ATG10: variants seen among roughly 807,000 people sequenced by gnomAD.
ATG10 encodes the protein autophagy related 10.
A neutral mutation model predicts 32.1 loss-of-function variants in ATG10; 30 were observed. The observed-to-expected ratio is 0.94, with a 90% CI of 0.70 to 1.27. The LOEUF is 1.27. Among genes scored for constraint, ATG10 ranks in the 50% most tolerant of loss-of-function variants. ATG10 has a pLI of 0.00. For synonymous variants in ATG10, 87 were observed against 91.5 expected (o/e 0.95, Z 0.28); for missense variants, 233 against 262.3 (o/e 0.89, Z 0.77).
intron 2 of ATG10, among the ~76,000 whole-genome samples, chr5:82,041,433 C>T (rs1168702916): frequency 1.3e-5 from 2 of 152,104 alleles, no homozygotes; most frequent in Admixed American, 6.6e-5. Context: ...ATATTTGTGA[C>T]ATATTTACCT....
chr5:82,175,783 A>C (rs1294758363), intron 4 of ATG10, among the ~76,000 whole-genome samples: 1 of 152,112 alleles, frequency 6.6e-6, no homozygotes, highest in African/African-American at 2.4e-5. Flanking sequence ...GGCACTTCTT[A>C]GCCTGCTTTA....
chr5:82,236,992 T>TC (rs1463455391), intron 5 of ATG10, among the ~76,000 whole-genome samples: 1 of 152,154 alleles, frequency 6.6e-6, no homozygotes, highest in African/African-American at 2.4e-5. Flanking sequence ...ATTTCTTCTT[T>TC]CCCCCCTTTT....
intron 4 of ATG10, among the ~76,000 whole-genome samples, chr5:82,172,648 T>A (rs1477809893): frequency 6.6e-6 from 1 of 152,188 alleles, no homozygotes; most frequent in Non-Finnish European, 1.5e-5. Flanking sequence ...ACTTAAACTC[T>A]ATAGCCCATT....
At chr5:82,205,839 C>CATGTA (rs1745268478) in intron 5 of ATG10, among the ~76,000 whole-genome samples, 2 of 151,990 alleles carry the variant, frequency 1.3e-5, no homozygotes, top group African/African-American at 4.8e-5. Flanking sequence ...ATAGAGTCAG[C>CATGTA]CAAATTTGGG....
At chr5:82,214,433 A>C (rs1186062284) in intron 5 of ATG10, among the ~76,000 whole-genome samples, 1 of 152,216 alleles carries the variant, frequency 6.6e-6, no homozygotes, top group Non-Finnish European at 1.5e-5. Flanking sequence ...GAAGACTACT[A>C]ATTTACAAAA....
intron 5 of ATG10, among the ~76,000 whole-genome samples, chr5:82,179,970 A>G (rs1026853873): frequency 6.6e-6 from 1 of 152,118 alleles, no homozygotes; most frequent in East Asian, 1.9e-4. Context: ...TCACCCTCCT[A>G]GATCAAGCCC....
At chr5:82,242,982 C>T (rs1008308104) in intron 5 of ATG10, 5 of 324,142 alleles carry the variant, frequency 1.5e-5, no homozygotes, top group East Asian at 8.4e-5. Context: ...ATAGATACAG[C>T]GGAAATACTA....
At chr5:82,155,261 C>T (rs1353977176) in intron 3 of ATG10, among the ~76,000 whole-genome samples, 1 of 151,930 alleles carries the variant, frequency 6.6e-6, no homozygotes, top group Non-Finnish European at 1.5e-5. Flanking sequence ...TTTCTTAGAC[C>T]CTTGGAAATG....
At chr5:82,225,141 C>T (rs996561268) in intron 5 of ATG10, among the ~76,000 whole-genome samples, 3 of 152,098 alleles carry the variant, frequency 2.0e-5, no homozygotes, top group African/African-American at 7.2e-5. Flanking sequence ...CACACACTCC[C>T]AAGTGAAGAA....
At chr5:82,191,798 A>C (rs531007090) in intron 5 of ATG10, among the ~76,000 whole-genome samples, 165 of 152,318 alleles carry the variant, frequency 1.1e-3, no homozygotes, top group African/African-American at 3.8e-3. Flanking sequence ...TTCCCCAGAC[A>C]CACAAACTAT....
chr5:82,242,966 TA>T, intron 5 of ATG10: 1 of 341,098 alleles, frequency 2.9e-6, no homozygotes, highest in Non-Finnish European at 5.7e-6. Flanking sequence ...TTTCTGGGGT[TA>T]AAAAATAGAT....
intron 3 of ATG10, among the ~76,000 whole-genome samples, chr5:82,066,049 A>G (rs1415295120): frequency 6.6e-6 from 1 of 152,154 alleles, no homozygotes; most frequent in Non-Finnish European, 1.5e-5. Flanking sequence ...TAACTTAGAT[A>G]CTGATTTTTA....
At chr5:82,129,707 CA>C in intron 3 of ATG10, among the ~76,000 whole-genome samples, 1 of 152,088 alleles carries the variant, frequency 6.6e-6, no homozygotes, top group Non-Finnish European at 1.5e-5. Flanking sequence ...CCTGTTCCTT[CA>C]TCTGGAAGCT....
At chr5:81,994,334 C>T (rs1761598655) in intron 2 of ATG10, among the ~76,000 whole-genome samples, 2 of 152,132 alleles carry the variant, frequency 1.3e-5, no homozygotes, top group East Asian at 1.9e-4. Context: ...TCTCCAGAGT[C>T]CTAAAAATGA....
At chr5:82,075,057 A>G (rs890617687) in intron 3 of ATG10, among the ~76,000 whole-genome samples, 1 of 152,186 alleles carries the variant, frequency 6.6e-6, no homozygotes, top group Non-Finnish European at 1.5e-5. Context: ...TTGTGGACCT[A>G]AGATGCTTTG....
At chr5:82,032,921 G>C (rs553829244) in intron 2 of ATG10, among the ~76,000 whole-genome samples, 1 of 152,074 alleles carries the variant, frequency 6.6e-6, no homozygotes, top group African/African-American at 2.4e-5. Context: ...AAAGTGGCAC[G>C]CGAAATTTAT....
chr5:82,158,779 A>ATT (rs1468305135), intron 3 of ATG10, among the ~76,000 whole-genome samples: 8 of 152,298 alleles, frequency 5.3e-5, no homozygotes, highest in African/African-American at 1.9e-4. Context: ...TGATGTTCAG[A>ATT]ACATCAGTCC....
chr5:82,101,392 T>C (rs1031076403), intron 3 of ATG10, among the ~76,000 whole-genome samples: 22 of 152,172 alleles, frequency 1.4e-4, no homozygotes, highest in African/African-American at 5.1e-4. Flanking sequence ...AAAGAAGGCT[T>C]TCCAGAATTC....
At chr5:82,033,969 GTA>G (rs2149718849) in intron 2 of ATG10, among the ~76,000 whole-genome samples, 1 of 145,942 alleles carries the variant, frequency 6.9e-6, no homozygotes, top group South Asian at 2.1e-4. Flanking sequence ...TACATATATA[GTA>G]TATATACATA....
Sources: allele counts gnomAD v4.1 joint callset (sites outside exome capture counted in the v4.1 genomes callset), GRCh38; gene constraint gnomAD v4.1.1; transcripts MANE v1.5; gene names NCBI Gene and HGNC (gene_info 2026-07-23, HGNC 2026-07-21).